The following MGAM2 variants were observed in gnomAD, a reference collection of about 807,000 sequenced individuals.
The protein encoded by MGAM2 is maltase-glucoamylase 2 (putative).
In MGAM2, 98 loss-of-function variants were observed where a neutral mutation model predicts 96.1. The ratio of observed to expected loss-of-function variants is 1.02; its 90% confidence interval spans 0.87 to 1.21. The LOEUF (loss-of-function observed/expected upper bound fraction) is 1.21, where lower values mean the gene tolerates loss of function less well. MGAM2 is among the 50% of genes most tolerant of loss of function. The pLI, the probability that MGAM2 is intolerant of heterozygous loss-of-function variation, is 0.00. For synonymous variants in MGAM2, 749 were observed against 414.8 expected (o/e 1.81, Z -9.79); for missense variants, 2,055 against 1,182.4 (o/e 1.74, Z -10.82).
chr7:142,175,521 G>A (rs1796346107), intron 31 of MGAM2, 131 bp from the exon 32 acceptor site: 1 of 600,332 alleles, frequency 1.7e-6, no homozygotes, highest in Non-Finnish European at 2.9e-6. Flanking sequence ...GGGAAGTAAT[G>A]AGATGAGGAA....
chr7:142,162,123 AT>A (rs1795906461), intron 23 of MGAM2, 119 bp downstream of exon 23: 2 of 498,136 alleles, frequency 4.0e-6, no homozygotes, highest in Non-Finnish European at 7.0e-6. Flanking sequence ...TACTGTCATG[AT>A]TCCAAAAAGG....
At chr7:142,133,164 ATATT>A (rs1342911920) in intron 6 of MGAM2, among the ~76,000 whole-genome samples, 2 of 140,402 alleles carry the variant, frequency 1.4e-5, no homozygotes, top group African/African-American at 5.2e-5. Flanking sequence ...TTTAATATAA[ATATT>A]TAATACATGT....
In MGAM2 at chr7:142,195,345, C is replaced by CTTTTTTTTTTTTT. The variant is rs1013124747; in HGVS notation, c.4347-793_4347-781dup. ...TTCTGTGCCTGGCCTCCTTTTTACT[C>CTTTTTTTTTTTTT]TTTTTTTTTTTTTTTTTTTTTTTTT... is the stretch of plus-strand genomic sequence containing the variant. On this transcript the variant is annotated intron_variant, in intron 37 of 47. Coordinates refer to ENST00000477922, the MANE Select transcript of MGAM2 (RefSeq NM_001293626.2). Among the ~76,000 whole-genome samples, 2 of 70,040 alleles carry CTTTTTTTTTTTTT rather than the reference C, an allele frequency of 2.9e-5. 1 individual carries two copies. Among genetic ancestry groups the CTTTTTTTTTTTTT allele is most frequent in the African/African-American group, 1.2e-4 (2 of 16,444 alleles). The allele number at this position is 70,040 out of a possible 152,430, so 45.9% of individuals were successfully genotyped here.
At chr7:142,144,027 T>C (rs1459809261) in intron 13 of MGAM2, 145 bp downstream of exon 13, 4 of 555,142 alleles carry the variant, frequency 7.2e-6, no homozygotes, top group African/African-American at 3.7e-5. Context: ...TACTTAAGGC[T>C]GAGTCTATAT....
Position 142,132,002 on chromosome 7 carries a change from T to C in MGAM2, c.492T>C (p.Asp164=), listed in dbSNP as rs531606799. ...TTAACCTGGTTGATGGGATTGCTGA[T>C]GCCTCCAATTTGAGCTATTACGTGG... ...ENINLVDGIA[D]ASNLSYYVEV... Residue 164 remains aspartate, a synonymous_variant, in exon 6 of 48, where the codon GAT becomes GAC. Coordinates refer to ENST00000477922, the MANE Select transcript of MGAM2 (RefSeq NM_001293626.2). 450 of 703,128 alleles carry C rather than the reference T, an allele frequency of 6.4e-4. 5 individuals are homozygous for C. The South Asian group carries it at 6.5e-3, about 10-fold the overall frequency. The allele number at this position is 703,128 out of a possible 1,614,324, so 43.6% of individuals were successfully genotyped here. A position where few individuals can be genotyped will look rare whatever the true frequency, so the allele number is the denominator to read the frequency against.
In MGAM2 at chr7:142,173,217, T is replaced by G. The variant is rs1438055177; in HGVS notation, c.3562-12T>G. The G allele has an allele frequency of 2.8e-6, 2 of 702,834 alleles. No individual in the cohort carries two copies. Among genetic ancestry groups the G allele is most frequent in the East Asian group, 5.4e-5 (2 of 37,270 alleles). 43.5% of individuals were successfully genotyped at this position (702,834 alleles called of 1,614,324 possible). A position where few individuals can be genotyped will look rare whatever the true frequency, so the allele number is the denominator to read the frequency against. On this transcript the variant is annotated splice_polypyrimidine_tract_variant and intron_variant, in intron 30 of 47. Coordinates refer to ENST00000477922, the MANE Select transcript of MGAM2 (RefSeq NM_001293626.2). The stretch of plus-strand genomic sequence containing the variant: ...AGAAATCTTTCTGGATGCATTTTTC[T>G]TTTTATTCTAGTTGATTGGTCGGCC...
chr7:142,193,689 C>T (rs1170540643), intron 37 of MGAM2, among the ~76,000 whole-genome samples: 1 of 152,150 alleles, frequency 6.6e-6, no homozygotes, highest in Non-Finnish European at 1.5e-5. Context: ...ATGCATTTAC[C>T]TCTCTGGCCA....
chr7:142,222,301 T>G lies in MGAM2; in HGVS notation c.*242T>G. The G allele has an allele frequency of 2.9e-6, 1 of 348,920 alleles. No individual in the cohort carries two copies. The highest frequency in any genetic ancestry group is 4.2e-5 in the East Asian group (1 of 23,690). 21.6% of individuals were successfully genotyped at this position (348,920 alleles called of 1,614,324 possible). ...GCTGTGGGTACTTATTTTGCAACCA[T>G]AGTATGTGCTCTTATTCTTTTAAAT... On this transcript the variant is annotated 3_prime_UTR_variant, in exon 48 of 48. Transcript: ENST00000477922.
At chr7:142,153,437 T>A (rs1245821770) in intron 15 of MGAM2, among the ~76,000 whole-genome samples, 5 of 152,258 alleles carry the variant, frequency 3.3e-5, no homozygotes, top group African/African-American at 1.2e-4. Flanking sequence ...CTCATTTCAA[T>A]GACTCTTATT....
At chr7:142,141,654 C>T (rs1795234082) in intron 12 of MGAM2, among the ~76,000 whole-genome samples, 1 of 152,048 alleles carries the variant, frequency 6.6e-6, no homozygotes. Flanking sequence ...CACACGCCAC[C>T]ATGCCTGACT....
chr7:142,199,861 T>C lies in MGAM2; in HGVS notation c.5049-19T>C, dbSNP rs1429847741. ...CCTACAATCTAGAGAAAAATAACTC[T>C]TTTTTTTTTTTTTGGTAGTCGACAA... On this transcript the variant is annotated intron_variant, in intron 44 of 47. Transcript: ENST00000477922. The C allele has an allele frequency of 5.2e-6, 1 of 191,170 alleles. No individual in the cohort carries two copies. The highest frequency in any genetic ancestry group is 8.7e-6 in the Non-Finnish European group (1 of 114,556). The allele number at this position is 191,170 out of a possible 1,614,324, so 11.8% of individuals were successfully genotyped here.
In MGAM2 at chr7:142,187,407, G is replaced by A. The variant is rs114776132; in HGVS notation, c.4123-343G>A. 7.6e-3 allele frequency among the ~76,000 whole-genome samples: 1,159 copies of A among 152,300 alleles called. 16 individuals carry two copies. Among genetic ancestry groups the A allele is most frequent in the African/African-American group, 0.026 (1,069 of 41,546 alleles). ...CCTCTGTTGGGGAGTTGTATCAAGG[G>A]GAGTTGTATCAAGAGATTTCCTTAG... On this transcript the variant is annotated intron_variant, in intron 35 of 47. Coordinates refer to ENST00000477922, the MANE Select transcript of MGAM2 (RefSeq NM_001293626.2).
At chr7:142,218,653 T>A (rs560735970) in intron 47 of MGAM2, 122 bp downstream of exon 47, 2 of 585,822 alleles carry the variant, frequency 3.4e-6, no homozygotes, top group Non-Finnish European at 6.0e-6. Context: ...TAGATGGTTA[T>A]AAATACGTGC....
At chr7:142,166,055 T>C (rs1390248443) in intron 24 of MGAM2, 43 bp from the exon 25 acceptor site, 4 of 634,682 alleles carry the variant, frequency 6.3e-6, no homozygotes, top group Admixed American at 2.4e-5. Flanking sequence ...TCTGGGTGGC[T>C]TTCCCTCCCT....
At chr7:142,163,785 G>A (rs942102972) in intron 23 of MGAM2, among the ~76,000 whole-genome samples, 1 of 152,078 alleles carries the variant, frequency 6.6e-6, no homozygotes, top group African/African-American at 2.4e-5. Context: ...AGGCTTTTCT[G>A]ATTGGTGTGT....
Position 142,160,694 on chromosome 7 carries a change from T to C in MGAM2, c.2346-431T>C, listed in dbSNP as rs1469525732. 2.0e-5 allele frequency among the ~76,000 whole-genome samples: 3 copies of C among 151,260 alleles called. No homozygotes were observed. The East Asian group carries it at 5.8e-4, about 29-fold the overall frequency. On this transcript the variant is annotated intron_variant, in intron 21 of 47. Transcript: ENST00000477922. ...CTTGGTTTGGGCTACATACTAGATG[T>C]GTTTACCTTGGGTAACTTACTTCTC...
At chr7:142,117,082 G>T in intron 2 of MGAM2, 103 bp downstream of exon 2, 1 of 662,300 alleles carries the variant, frequency 1.5e-6, no homozygotes, top group Non-Finnish European at 2.7e-6. Flanking sequence ...CCACTACATT[G>T]CAGTATTCAA....
rs1163126826 is a variant in MGAM2 at position 142,165,109 on chromosome 7, A to C, written c.2652+86A>C. The stretch of plus-strand genomic sequence containing the variant: ...CTACTTTGCTCTTTTAACTGTGGGC[A>C]GTCAGACACAACTGACTTGCTGGGA... On this transcript the variant is annotated intron_variant, in intron 24 of 47. Transcript: ENST00000477922. 11 of 574,016 alleles carry C rather than the reference A, an allele frequency of 1.9e-5. No homozygotes were observed. The East Asian group carries it at 3.0e-4, about 15-fold the overall frequency. The allele number at this position is 574,016 out of a possible 1,614,324, so 35.6% of individuals were successfully genotyped here. A position where few individuals can be genotyped will look rare whatever the true frequency, so the allele number is the denominator to read the frequency against.
At position 142,196,239 on chromosome 7, in the gene MGAM2, T is replaced by G; in HGVS notation, c.4432T>G (p.Leu1478Val). 4 of 938,760 alleles carry G rather than the reference T, an allele frequency of 4.3e-6. No individual in the cohort carries two copies. Among genetic ancestry groups the G allele is most frequent in the Non-Finnish European group, 6.8e-6 (4 of 586,694 alleles). The allele number at this position is 938,760 out of a possible 1,614,324, so 58.2% of individuals were successfully genotyped here. ...TTCTGGACGCTGGGGAGGACACCGG[T>G]TGGGAAACAACACAGCTGCATGGGA... ...PSSGRWGGHRLGNNTAAWDQL... is the reference protein window; with the variant it reads ...PSSGRWGGHRVGNNTAAWDQL... The change falls in exon 38 of 48, where the codon TTG becomes GTG. Residue 1478 changes from leucine (L) to valine (V), a missense_variant. By Grantham distance (32) the Leu-to-Val change is conservative. Coordinates refer to ENST00000477922, the MANE Select transcript of MGAM2 (RefSeq NM_001293626.2).
Sources: gnomAD v4.1 joint callset for allele counts (sites outside exome capture counted in the v4.1 genomes callset) on GRCh38, gnomAD v4.1.1 for gene constraint, MANE v1.5 for transcripts, NCBI Gene and HGNC (gene_info 2026-07-23, HGNC 2026-07-21) for gene names.